The following EPB41 variants were observed in gnomAD, a reference collection of about 807,000 sequenced individuals.
EPB41 encodes protein 4.1.
In EPB41, 65 loss-of-function variants were observed where a neutral mutation model predicts 108.0. The observed-to-expected ratio is 0.60, with a 90% CI of 0.49 to 0.74. EPB41 has a LOEUF of 0.74. Among genes scored for constraint, EPB41 ranks in the 30% least tolerant of loss-of-function variants. The probability of loss-of-function intolerance (pLI) is 0.00; values close to 1 mark genes in which losing one functional copy is unlikely to be tolerated. For synonymous variants in EPB41, 336 were observed against 358.9 expected (o/e 0.94, Z 0.72); for missense variants, 875 against 1,037.0 (o/e 0.84, Z 2.15).
intron 16 of EPB41, among the ~76,000 whole-genome samples, chr1:29,074,355 A>C (rs1445235901): frequency 6.6e-6 from 1 of 152,116 alleles, no homozygotes; most frequent in Non-Finnish European, 1.5e-5. Context: ...TTTTTCATAT[A>C]CTCAAATTAC....
intron 1 of EPB41, among the ~76,000 whole-genome samples, chr1:28,922,607 A>T (rs2093174465): frequency 7.0e-6 from 1 of 142,676 alleles, no homozygotes; most frequent in African/African-American, 2.6e-5. Flanking sequence ...CAGTTTTAAA[A>T]TTTTTTCTTA....
At chr1:29,006,966 T>C (rs939109635) in intron 4 of EPB41, among the ~76,000 whole-genome samples, 11 of 152,294 alleles carry the variant, frequency 7.2e-5, no homozygotes, top group African/African-American at 2.6e-4. Flanking sequence ...TTAGCCTGTT[T>C]TTAAACTTTA....
chr1:28,929,928 T>G (rs1369336675), intron 1 of EPB41, among the ~76,000 whole-genome samples: 1 of 150,472 alleles, frequency 6.6e-6, no homozygotes, highest in Non-Finnish European at 1.5e-5. Context: ...AGTATACGAT[T>G]TAATGTTTTT....
chr1:28,919,891 C>T (rs930067350), intron 1 of EPB41, among the ~76,000 whole-genome samples: 1 of 152,130 alleles, frequency 6.6e-6, no homozygotes, highest in Non-Finnish European at 1.5e-5. Context: ...CTCTTATCTC[C>T]AAGTTAAATC....
At chr1:28,927,414 G>T (rs1401588701) in intron 1 of EPB41, among the ~76,000 whole-genome samples, 2 of 152,040 alleles carry the variant, frequency 1.3e-5, no homozygotes, top group Non-Finnish European at 2.9e-5. Context: ...TTTGTTGTTC[G>T]TGTTGGGTAT....
At chr1:28,943,027 G>T (rs1368152389) in intron 1 of EPB41, among the ~76,000 whole-genome samples, 1 of 152,012 alleles carries the variant, frequency 6.6e-6, no homozygotes, top group Non-Finnish European at 1.5e-5. Flanking sequence ...ATTCCATTGG[G>T]AAATCTTACT....
chr1:29,016,098 A>ATGACTC (rs2150025535), intron 6 of EPB41, among the ~76,000 whole-genome samples: 1 of 152,254 alleles, frequency 6.6e-6, no homozygotes, highest in Admixed American at 6.5e-5. Flanking sequence ...TAGTGGTAAA[A>ATGACTC]TGACTCTACT....
intron 4 of EPB41, among the ~76,000 whole-genome samples, chr1:29,002,582 T>C (rs945950851): frequency 6.6e-6 from 1 of 152,244 alleles, no homozygotes; most frequent in Non-Finnish European, 1.5e-5. Context: ...GGTTGAATAT[T>C]CTACCTGTTC....
At chr1:28,979,888 G>A (rs1031567808) in intron 1 of EPB41, among the ~76,000 whole-genome samples, 3 of 152,046 alleles carry the variant, frequency 2.0e-5, no homozygotes, top group Non-Finnish European at 2.9e-5. Context: ...TTGAATCCCC[G>A]AACCATAATG....
intron 6 of EPB41, 97 bp downstream of exon 6, chr1:29,015,864 C>A: frequency 1.2e-6 from 1 of 832,244 alleles, no homozygotes; most frequent in South Asian, 1.5e-5. Context: ...ATTCCGTATT[C>A]AGAACTGAAG....
Position 28,984,911 on chromosome 1 carries a change from G to T in EPB41, c.-7-2520G>T, listed in dbSNP as rs538782634. 1.5e-4 allele frequency among the ~76,000 whole-genome samples: 23 copies of T among 152,172 alleles called. No individual in the cohort carries two copies. In the South Asian group the frequency reaches 4.8e-3, roughly 32 times the overall value. On this transcript the variant is annotated intron_variant, in intron 1 of 20. Coordinates refer to ENST00000343067, the MANE Select transcript of EPB41 (RefSeq NM_001376013.1). ...TGAGCTCAAGTGATCCTCCTGCCTC[G>T]ACCTCCCAAATTGCTGGGATTACAG...
At chr1:29,078,098 C>T (rs1009912506) in intron 16 of EPB41, among the ~76,000 whole-genome samples, 35 of 152,018 alleles carry the variant, frequency 2.3e-4, no homozygotes, top group African/African-American at 7.3e-4. Flanking sequence ...TGGTGGCGCA[C>T]GCCTATAATC....
intron 1 of EPB41, among the ~76,000 whole-genome samples, chr1:28,965,991 T>A (rs556123555): frequency 6.6e-6 from 1 of 152,170 alleles, no homozygotes; most frequent in Non-Finnish European, 1.5e-5. Flanking sequence ...GAAACCAGCC[T>A]GGCCAACATG....
chr1:29,079,998 A>G (rs1164158512), intron 16 of EPB41, among the ~76,000 whole-genome samples: 1 of 151,818 alleles, frequency 6.6e-6, no homozygotes, highest in East Asian at 1.9e-4. Flanking sequence ...CTCTTATCTC[A>G]AAAAAAAGAA....
chr1:28,907,484 T>C (rs75640404), intron 1 of EPB41, among the ~76,000 whole-genome samples: 13 of 152,208 alleles, frequency 8.5e-5, no homozygotes, highest in Non-Finnish European at 1.8e-4. Flanking sequence ...ATTACCCCTA[T>C]GCATTGGGGT....
Position 29,119,486 on chromosome 1 carries a change from G to A in EPB41, c.*2674G>A, listed in dbSNP as rs1334244931. 6.6e-6 allele frequency: 1 copy of A among 152,288 alleles called. No individual in the cohort carries two copies. The highest frequency in any genetic ancestry group is 1.5e-5 in the Non-Finnish European group (1 of 68,060). 9.4% of individuals were successfully genotyped at this position (152,288 alleles called of 1,614,324 possible). Reference sequence around the variant, plus strand: ...AATAAAGATTTCCTCCAAGCCACATGAGGACTCTGGCACCCACCCACAAAG... The same window carrying A: ...AATAAAGATTTCCTCCAAGCCACATAAGGACTCTGGCACCCACCCACAAAG... On this transcript the variant is annotated 3_prime_UTR_variant, in exon 21 of 21. Coordinates refer to ENST00000343067, the MANE Select transcript of EPB41 (RefSeq NM_001376013.1).
intron 1 of EPB41, among the ~76,000 whole-genome samples, chr1:28,949,293 A>T (rs2094608749): frequency 6.6e-6 from 1 of 152,094 alleles, no homozygotes; most frequent in South Asian, 2.1e-4. Context: ...AAAATTTTAA[A>T]AATTAGCTAG....
chr1:28,990,776 C>A (rs1201108925), intron 2 of EPB41, among the ~76,000 whole-genome samples: 1 of 152,076 alleles, frequency 6.6e-6, no homozygotes, highest in Non-Finnish European at 1.5e-5. Context: ...AAATCCATAT[C>A]TTGTTTTAGT....
At chr1:28,955,576 C>G (rs1289091115) in intron 1 of EPB41, among the ~76,000 whole-genome samples, 1 of 152,080 alleles carries the variant, frequency 6.6e-6, no homozygotes, top group Non-Finnish European at 1.5e-5. Flanking sequence ...ATCTCTTGAC[C>G]TCATGATCCG....
Sources: allele counts gnomAD v4.1 joint callset (sites outside exome capture counted in the v4.1 genomes callset), GRCh38; gene constraint gnomAD v4.1.1; transcripts MANE v1.5; gene names NCBI Gene and HGNC (gene_info 2026-07-23, HGNC 2026-07-21).